The following ADORA1 variants were observed in gnomAD, a reference collection of about 807,000 sequenced individuals.
ADORA1 encodes adenosine A1 receptor, also known as adenosine receptor A1.
Under a neutral mutation model 19.9 loss-of-function variants are expected in ADORA1, and 6 were observed. The observed-to-expected ratio is 0.30, with a 90% CI of 0.17 to 0.59. The LOEUF (loss-of-function observed/expected upper bound fraction) is 0.59. Among genes scored for constraint, ADORA1 ranks in the 20% least tolerant of loss-of-function variants. The pLI, the probability that ADORA1 is intolerant of heterozygous loss-of-function variation, is 0.87. For missense variants in ADORA1, 302 were observed against 439.2 expected (o/e 0.69, Z 2.79); for synonymous variants, 194 against 188.4 (o/e 1.03, Z -0.24).
chr1:203,144,832 T>C (rs909580898), intron 3 of ADORA1: 1 of 152,018 alleles, frequency 6.6e-6, no homozygotes, highest in African/African-American at 2.4e-5. Context: ...GTGGAGGGGG[T>C]GCCCTGACAG....
chr1:203,165,673 A>G lies in ADORA1; in HGVS notation c.754A>G (p.Ile252Val), dbSNP rs939953705. The change falls in exon 4 of 4, where the codon ATC (isoleucine) becomes GTC (valine). Residue 252 changes from isoleucine (I) to valine (V), a missense_variant. By Grantham distance (29) the Ile-to-Val change is conservative. Coordinates refer to ENST00000337894, the MANE Select transcript of ADORA1 (RefSeq NM_000674.3). This position sits in a 1 kb window ranked among gnomAD's most constrained non-coding sequence, Gnocchi z 5.9. ...LFALSWLPLH[I>V]LNCITLFCPS... Reference sequence around the variant, plus strand: ...TGCCCTCAGCTGGCTGCCTTTGCACATCCTCAACTGCATCACCCTCTTCTG... The same window carrying G: ...TGCCCTCAGCTGGCTGCCTTTGCACGTCCTCAACTGCATCACCCTCTTCTG... The G allele has an allele frequency of 3.1e-6, 5 of 1,609,170 alleles. No individual in the cohort carries two copies. In the African/African-American group the frequency reaches 6.7e-5, roughly 22 times the overall value.
At chr1:203,132,868 A>C (rs1362023937) in intron 3 of ADORA1, among the ~76,000 whole-genome samples, 1 of 151,974 alleles carries the variant, frequency 6.6e-6, no homozygotes, top group Non-Finnish European at 1.5e-5. Context: ...ATAAATAAAA[A>C]GAAAGAAATG....
intron 3 of ADORA1, among the ~76,000 whole-genome samples, chr1:203,144,081 T>TACACACACACACACACAC (rs10525873): frequency 3.6e-5 from 5 of 139,854 alleles, no homozygotes; most frequent in East Asian, 2.2e-4. Flanking sequence ...GACTACCTCT[T>TACACACACACACACACAC]ACACACACAC....
chr1:203,165,854 C>T lies in ADORA1; in HGVS notation c.935C>T (p.Ala312Val), dbSNP rs202192831. 1.4e-5 allele frequency: 23 copies of T among 1,590,642 alleles called. No homozygotes were observed. The highest frequency in any genetic ancestry group is 2.7e-5 in the African/African-American group (2 of 74,508). The change falls in exon 4 of 4, where the codon GCA becomes GTA. Residue 312 changes from alanine (A) to valine (V), a missense_variant. Coordinates refer to ENST00000337894, the MANE Select transcript of ADORA1 (RefSeq NM_000674.3). This position sits in a 1 kb window ranked among gnomAD's most constrained non-coding sequence, Gnocchi z 5.9. ...AATGACCATTTCCGCTGCCAGCCTG[C>T]ACCTCCCATTGACGAGGATCTCCCA... ...IWNDHFRCQP[A>V]PPIDEDLPEE...
chr1:203,135,779 G>A (rs1654486331), intron 3 of ADORA1, among the ~76,000 whole-genome samples: 1 of 152,158 alleles, frequency 6.6e-6, no homozygotes, highest in South Asian at 2.1e-4. Context: ...AATAGTGTAG[G>A]TGCTATCTAG....
intron 3 of ADORA1, among the ~76,000 whole-genome samples, chr1:203,160,638 C>A (rs999620352): frequency 6.6e-5 from 10 of 152,098 alleles, no homozygotes; most frequent in Non-Finnish European, 1.3e-4. Context: ...CATAGTGAGA[C>A]CCCCATCTCT....
In ADORA1 at chr1:203,128,323, C is replaced by G. The variant is rs201248258; in HGVS notation, c.-167C>G. ...GCGGGAGCCGGAGGACTATGAGCTG[C>G]CGCGCGTTGTCCAGAGCCCAGCCCA... On this transcript the variant is annotated 5_prime_UTR_variant, in exon 2 of 4. Transcript: ENST00000337894. The surrounding 1 kb of genome is among the most constrained non-coding windows in gnomAD (Gnocchi z 5.9). 1.0e-5 allele frequency: 13 copies of G among 1,286,924 alleles called. No homozygotes were observed. The highest frequency in any genetic ancestry group is 4.6e-5 in the Admixed American group (2 of 43,322). The allele number at this position is 1,286,924 out of a possible 1,614,324, so 79.7% of individuals were successfully genotyped here. A position where few individuals can be genotyped will look rare whatever the true frequency, so the allele number is the denominator to read the frequency against.
In ADORA1 at chr1:203,141,115, G is replaced by A. The variant is rs1191323088; in HGVS notation, c.341+11933G>A. ...TCAATCAATAAGCAGGCATCACCAAGTGTCAGATTTAGCCCAGCCCTGATG... is the reference window on the plus strand; with the variant it reads ...TCAATCAATAAGCAGGCATCACCAAATGTCAGATTTAGCCCAGCCCTGATG... On this transcript the variant is annotated intron_variant, in intron 3 of 3. Transcript: ENST00000337894. Among the ~76,000 whole-genome samples the A allele has an allele frequency of 2.6e-5, 4 of 152,270 alleles. No homozygotes were observed. In the South Asian group the frequency reaches 8.3e-4, roughly 31 times the overall value.
intron 3 of ADORA1, among the ~76,000 whole-genome samples, chr1:203,153,236 G>A (rs891105111): frequency 6.6e-6 from 1 of 152,206 alleles, no homozygotes; most frequent in African/African-American, 2.4e-5. Context: ...CATCACACTG[G>A]GGATCCCTTT....
chr1:203,131,562 C>T (rs1276198221), intron 3 of ADORA1, among the ~76,000 whole-genome samples: 1 of 152,230 alleles, frequency 6.6e-6, no homozygotes, highest in African/African-American at 2.4e-5. Context: ...GTCCCCACTT[C>T]TGATTCAGGG....
intron 3 of ADORA1, among the ~76,000 whole-genome samples, chr1:203,134,792 C>CCACA (rs147096635): frequency 1.1e-4 from 16 of 152,032 alleles, no homozygotes; most frequent in African/African-American, 3.9e-4. Flanking sequence ...GAAAATTTTT[C>CCACA]CACACACACA....
Position 203,159,503 on chromosome 1 carries a change from C to A in ADORA1, c.342-5758C>A, listed in dbSNP as rs555188721. ...TGCCTTCTGCCTAGAAGGCTCTGTC[C>A]CAGATCTTTCCCTGGCTGGCTCGTT... On this transcript the variant is annotated intron_variant, in intron 3 of 3. Transcript: ENST00000337894. Among the ~76,000 whole-genome samples the A allele has an allele frequency of 2.6e-5, 4 of 152,222 alleles. No individual in the cohort carries two copies. In the South Asian group the frequency reaches 8.3e-4, roughly 32 times the overall value.
intron 3 of ADORA1, chr1:203,150,748 G>C (rs1371577972): frequency 7.8e-7 from 1 of 1,289,640 alleles, no homozygotes; most frequent in Admixed American, 2.3e-5. Flanking sequence ...TGAGTGTGGG[G>C]GTGGACTCTT....
intron 3 of ADORA1, among the ~76,000 whole-genome samples, chr1:203,159,772 A>G (rs1571809479): frequency 6.6e-6 from 1 of 152,220 alleles, no homozygotes; most frequent in African/African-American, 2.4e-5. Context: ...TAGGTGCTCA[A>G]TGAATACCCC....
intron 3 of ADORA1, among the ~76,000 whole-genome samples, chr1:203,148,464 G>A (rs1402779849): frequency 6.6e-6 from 1 of 152,244 alleles, no homozygotes; most frequent in Non-Finnish European, 1.5e-5. Context: ...TGTTCTGAGA[G>A]GTGATGTGAT....
At chr1:203,148,895 T>TA (rs1233777432) in intron 3 of ADORA1, among the ~76,000 whole-genome samples, 2 of 151,856 alleles carry the variant, frequency 1.3e-5, no homozygotes, top group South Asian at 2.1e-4. Flanking sequence ...TTTTTTTTTT[T>TA]AGACGGAGTT....
chr1:203,157,412 A>T (rs1325046659), intron 3 of ADORA1, among the ~76,000 whole-genome samples: 1 of 152,374 alleles, frequency 6.6e-6, no homozygotes, highest in Middle Eastern at 3.4e-3. Flanking sequence ...TACTCCATGT[A>T]CCACCTCCTG....
intron 3 of ADORA1, chr1:203,150,178 G>A (rs1488774660): frequency 6.5e-6 from 1 of 153,000 alleles, no homozygotes; most frequent in Non-Finnish European, 1.5e-5. Flanking sequence ...TCTGGGGAGG[G>A]GGATCTCTGG....
Position 203,129,244 on chromosome 1 carries a change from A to G in ADORA1, c.341+62A>G, listed in dbSNP as rs538528509. 297 of 1,544,162 alleles carry G rather than the reference A, an allele frequency of 1.9e-4. 1 individual carries two copies. The highest frequency in any genetic ancestry group is 1.9e-3 in the South Asian group (150 of 79,356). On this transcript the variant is annotated intron_variant, in intron 3 of 3. Coordinates refer to ENST00000337894, the MANE Select transcript of ADORA1 (RefSeq NM_000674.3). ...ATGATGGCTGGCTTGAGGGCCATCT[A>G]GAAAGGAAAAAAGGTAGAGCATAAG...
Sources: allele counts gnomAD v4.1 joint callset (sites outside exome capture counted in the v4.1 genomes callset), GRCh38; gene constraint gnomAD v4.1.1; non-coding constraint Gnocchi (gnomAD v3.1); transcripts MANE v1.5; gene names NCBI Gene and HGNC (gene_info 2026-07-23, HGNC 2026-07-21).